MYO18B: variants seen among roughly 807,000 people sequenced by gnomAD.
MYO18B encodes the protein unconventional myosin-XVIIIb.
A neutral mutation model predicts 273.0 loss-of-function variants in MYO18B; 204 were observed. That is an observed-to-expected ratio of 0.75 (90% CI 0.67 to 0.84). The LOEUF (loss-of-function observed/expected upper bound fraction) is 0.84, where lower values mean the gene tolerates loss of function less well. MYO18B is among the 40% of genes least tolerant of loss of function. The pLI is 0.00. For synonymous variants in MYO18B, 1,330 were observed against 1,305.7 expected (o/e 1.02, Z -0.40); for missense variants, 3,212 against 3,287.6 (o/e 0.98, Z 0.56).
At chr22:25,995,666 G>T (rs898992579) in intron 40 of MYO18B, among the ~76,000 whole-genome samples, 1 of 152,186 alleles carries the variant, frequency 6.6e-6, no homozygotes, top group South Asian at 2.1e-4. Context: ...TCCAGTCTTG[G>T]CGTAGGGGAG....
intron 11 of MYO18B, among the ~76,000 whole-genome samples, chr22:25,797,478 C>T (rs1455213935): frequency 6.6e-6 from 1 of 152,190 alleles, no homozygotes; most frequent in African/African-American, 2.4e-5. Context: ...ACCTATAGCA[C>T]AACTTACCCT....
chr22:26,012,863 C>A (rs1011828540), intron 42 of MYO18B, among the ~76,000 whole-genome samples: 2 of 152,142 alleles, frequency 1.3e-5, no homozygotes, highest in African/African-American at 4.8e-5. Context: ...GAAAGTGGAT[C>A]TTGAGGAAAT....
intron 12 of MYO18B, among the ~76,000 whole-genome samples, chr22:25,813,196 T>A (rs2088842255): frequency 6.7e-6 from 1 of 148,378 alleles, no homozygotes; most frequent in Non-Finnish European, 1.5e-5. Flanking sequence ...TTTTTTTTTT[T>A]TTTTTGAGAC....
At chr22:25,977,285 CTGTATTTGTATTTGTATT>C (rs55633196) in intron 39 of MYO18B, among the ~76,000 whole-genome samples, 1,910 of 143,964 alleles carry the variant, frequency 0.013, 15 homozygotes, top group South Asian at 0.023. Flanking sequence ...TTTCCAACTC[CTGTATTTGTATTTGTATT>C]TGTATTTGTA....
At chr22:25,986,608 G>A (rs1242206178) in intron 39 of MYO18B, among the ~76,000 whole-genome samples, 1 of 152,178 alleles carries the variant, frequency 6.6e-6, no homozygotes, top group Non-Finnish European at 1.5e-5. Context: ...TATTTATTAT[G>A]TTCAAGGTTT....
chr22:25,860,025 A>G (rs549466242), intron 21 of MYO18B, among the ~76,000 whole-genome samples: 34 of 152,348 alleles, frequency 2.2e-4, no homozygotes, highest in African/African-American at 7.9e-4. Context: ...TGTAACATAC[A>G]TGCCTATATT....
rs183445367 is a variant in MYO18B, at chr22:25,878,504, G to C, written c.4314+456G>C. Among the ~76,000 whole-genome samples the C allele has an allele frequency of 2.9e-3, 443 of 152,238 alleles. 1 individual carries two copies. Among genetic ancestry groups the C allele is most frequent in the Non-Finnish European group, 5.0e-3 (339 of 68,014 alleles). On this transcript the variant is annotated intron_variant, in intron 25 of 43. Coordinates refer to ENST00000335473, the MANE Select transcript of MYO18B (RefSeq NM_032608.7). ...GCTTTCTCAAATCAAATGGAAGAAG[G>C]CAAACACTCCAATAAGAACGGAAAA... is the stretch of plus-strand genomic sequence containing the variant.
At chr22:25,934,573 G>A (rs2092552791) in intron 34 of MYO18B, among the ~76,000 whole-genome samples, 1 of 152,096 alleles carries the variant, frequency 6.6e-6, no homozygotes, top group South Asian at 2.1e-4. Flanking sequence ...GGTGGTCGGG[G>A]CACAGCTTGG....
At chr22:26,050,824 T>G in the MYO18B span, among the ~76,000 whole-genome samples, 1 of 152,296 alleles carries the variant, frequency 6.6e-6, no homozygotes, top group Admixed American at 6.5e-5. Context: ...TTGTTGCTTA[T>G]GAGTAGTGAT....
At position 25,772,469 on chromosome 22, in the gene MYO18B, G is replaced by A; in HGVS notation, c.1828G>A (p.Val610Ile). 6.2e-7 allele frequency: 1 copy of A among 1,613,972 alleles called. No homozygotes were observed. Among genetic ancestry groups the A allele is most frequent in the Non-Finnish European group, 8.5e-7 (1 of 1,179,898 alleles). The change falls in exon 7 of 44, where the codon GTC becomes ATC. Residue 610 changes from valine (V) to isoleucine (I), a missense_variant. Physicochemically the swap from Val to Ile is conservative, Grantham distance 29 (BLOSUM62 3). Coordinates refer to ENST00000335473, the MANE Select transcript of MYO18B (RefSeq NM_032608.7). ...LHTCTGPDLI[V>I]LQPRGPSVPS... ...CACCTGCACAGGGCCTGATCTGATT[G>A]TCCTCCAGCCCCGGGGGCCCTCGGT...
intron 34 of MYO18B, among the ~76,000 whole-genome samples, chr22:25,938,940 C>T (rs752532489): frequency 2.2e-4 from 34 of 152,204 alleles, no homozygotes; most frequent in Non-Finnish European, 4.0e-4. Flanking sequence ...GTCTCACCCT[C>T]CTGGGTAGCT....
At position 25,846,141 on chromosome 22, in the gene MYO18B, C is replaced by T; in HGVS notation, c.3410C>T (p.Pro1137Leu). The change falls in exon 19 of 44, where the codon CCT becomes CTT. Residue 1137 changes from proline (P) to leucine (L), a missense_variant. Transcript: ENST00000335473. ...CTATTCCAGGCCCGGGCCAAGCTGC[C>T]TCCTGTGTGCCGGGCTGTGGCAGGC... ...RSLFQARAKL[P>L]PVCRAVAGLE... 1 of 1,602,798 alleles carries T rather than the reference C, an allele frequency of 6.2e-7. No homozygotes were observed. The highest frequency in any genetic ancestry group is 1.7e-5 in the Admixed American group (1 of 57,974).
chr22:26,000,163 A>G (rs181334518), intron 40 of MYO18B, among the ~76,000 whole-genome samples: 5 of 152,244 alleles, frequency 3.3e-5, no homozygotes, highest in Admixed American at 1.3e-4. Flanking sequence ...ACAAGCAGAC[A>G]TGGACTTGCC....
intron 11 of MYO18B, among the ~76,000 whole-genome samples, chr22:25,795,898 AAAGCCTGCTTCTAG>A (rs777410948): frequency 6.1e-4 from 93 of 152,290 alleles, no homozygotes; most frequent in Non-Finnish European, 1.2e-3. Flanking sequence ...AAGAATCAGA[AAAGCCTGCTTCTAG>A]TCTTGTATCT....
intron 22 of MYO18B, among the ~76,000 whole-genome samples, chr22:25,868,872 T>C (rs1217322483): frequency 6.6e-6 from 1 of 152,182 alleles, no homozygotes; most frequent in Non-Finnish European, 1.5e-5. Flanking sequence ...CCCAAACTGG[T>C]GTTGAGCCCA....
At chr22:26,051,785 T>C in the MYO18B span, among the ~76,000 whole-genome samples, 3 of 152,254 alleles carry the variant, frequency 2.0e-5, no homozygotes, top group Admixed American at 6.5e-5. Flanking sequence ...TTTTTAAAGG[T>C]ATGTGTCTTA....
chr22:25,835,897 A>T (rs2089882950), intron 17 of MYO18B, among the ~76,000 whole-genome samples: 1 of 152,238 alleles, frequency 6.6e-6, no homozygotes, highest in East Asian at 1.9e-4. Flanking sequence ...CTGGTCATGC[A>T]AAGGTCTTAA....
chr22:25,759,931 C>T (rs896890214), intron 1 of MYO18B, among the ~76,000 whole-genome samples: 1 of 152,144 alleles, frequency 6.6e-6, no homozygotes, highest in African/African-American at 2.4e-5. Flanking sequence ...AAACTTGTTT[C>T]CCAGAAAAGG....
intron 34 of MYO18B, among the ~76,000 whole-genome samples, chr22:25,930,484 C>T (rs2092482683): frequency 1.3e-5 from 2 of 151,556 alleles, no homozygotes. Flanking sequence ...TGGTCCTCTG[C>T]TGTCTCGGGG....
Sources: gnomAD v4.1 joint callset for allele counts (sites outside exome capture counted in the v4.1 genomes callset) on GRCh38, gnomAD v4.1.1 for gene constraint, MANE v1.5 for transcripts, NCBI Gene and HGNC (gene_info 2026-07-23, HGNC 2026-07-21) for gene names.